The following NUDCD3 variants were observed in gnomAD, a reference collection of about 807,000 sequenced individuals.
NUDCD3 encodes nudC domain-containing protein 3.
In NUDCD3, 13 loss-of-function variants were observed where a neutral mutation model predicts 39.7. The ratio of observed to expected loss-of-function variants is 0.33; its 90% CI spans 0.21 to 0.52. NUDCD3 has a LOEUF of 0.52. NUDCD3 is among the 20% of genes least tolerant of loss of function. The probability of loss-of-function intolerance (pLI) is 0.96; values close to 1 mark genes in which losing one functional copy is unlikely to be tolerated. For synonymous variants in NUDCD3, 175 were observed against 172.4 expected, an observed-to-expected ratio of 1.02 and a Z score of -0.12; for missense variants, 453 against 458.1, an observed-to-expected ratio of 0.99 and a Z score of 0.10.
intron 2 of NUDCD3, among the ~76,000 whole-genome samples, chr7:44,455,974 C>T (rs1309210394): frequency 3.2e-5 from 4 of 126,084 alleles, no homozygotes; most frequent in Non-Finnish European, 6.3e-5. Flanking sequence ...TGCAGTGAGC[C>T]GAGATCCCGC....
intron 2 of NUDCD3, among the ~76,000 whole-genome samples, chr7:44,470,204 T>A (rs191767904): frequency 1.5e-3 from 225 of 152,134 alleles, no homozygotes; most frequent in African/African-American, 4.9e-3. Flanking sequence ...ACATTAACAG[T>A]TATATGAGAG....
chr7:44,386,919 C>A (rs1798412626), intron 5 of NUDCD3, among the ~76,000 whole-genome samples: 1 of 152,156 alleles, frequency 6.6e-6, no homozygotes, highest in Non-Finnish European at 1.5e-5. Context: ...TATATCTGCC[C>A]TCCTCACCTG....
intron 3 of NUDCD3, among the ~76,000 whole-genome samples, chr7:44,409,933 A>G (rs939419109): frequency 6.6e-6 from 1 of 152,198 alleles, no homozygotes; most frequent in African/African-American, 2.4e-5. Context: ...ACCACTTTTT[A>G]GCATTTAGAA....
At chr7:44,424,666 A>G (rs1218910497) in intron 3 of NUDCD3, among the ~76,000 whole-genome samples, 2 of 152,260 alleles carry the variant, frequency 1.3e-5, no homozygotes, top group Non-Finnish European at 1.5e-5. Flanking sequence ...GTGGAGAAAT[A>G]GGAACACTTT....
intron 4 of NUDCD3, 64 bp from the exon 5 acceptor site, chr7:44,392,549 A>G: frequency 3.5e-6 from 5 of 1,448,648 alleles, no homozygotes; most frequent in Non-Finnish European, 3.8e-6. Flanking sequence ...GGCTGGGGAC[A>G]GAGCAGAGCC....
At chr7:44,442,831 G>A (rs2116924388) in intron 2 of NUDCD3, among the ~76,000 whole-genome samples, 1 of 152,034 alleles carries the variant, frequency 6.6e-6, no homozygotes, top group African/African-American at 2.4e-5. Context: ...GAGTAGCTGG[G>A]ACTACAGGCG....
intron 3 of NUDCD3, among the ~76,000 whole-genome samples, chr7:44,406,843 G>A (rs1798830454): frequency 6.6e-6 from 1 of 152,148 alleles, no homozygotes; most frequent in Admixed American, 6.5e-5. Flanking sequence ...AAGGAGGAGG[G>A]GCACAGGAGA....
At chr7:44,395,288 G>A (rs1798602732) in intron 4 of NUDCD3, among the ~76,000 whole-genome samples, 1 of 152,230 alleles carries the variant, frequency 6.6e-6, no homozygotes, top group African/African-American at 2.4e-5. Flanking sequence ...GCTGGGCAGT[G>A]CAGCTCTCCA....
At chr7:44,448,157 TCCTTGG>T (rs1193465502) in intron 2 of NUDCD3, among the ~76,000 whole-genome samples, 1 of 152,176 alleles carries the variant, frequency 6.6e-6, no homozygotes, top group Non-Finnish European at 1.5e-5. Flanking sequence ...GCCTCCACTC[TCCTTGG>T]CCTTAATAGG....
Position 44,486,289 on chromosome 7 carries a change from C to T in NUDCD3, c.193-1005G>A, listed in dbSNP as rs889064532. 5.3e-5 allele frequency among the ~76,000 whole-genome samples: 8 copies of T among 152,162 alleles called. No individual in the cohort carries two copies. In the East Asian group the frequency reaches 7.7e-4, roughly 15 times the overall value. ...AAATAACAATGTTCTGTGCACTGCG[C>T]GGGCAGTCAAAAGGGTGCTAACAGA... On this transcript the variant is annotated intron_variant, in intron 1 of 5. Coordinates refer to ENST00000355451, the MANE Select transcript of NUDCD3 (RefSeq NM_015332.4).
chr7:44,463,819 A>AT (rs1800065079), intron 2 of NUDCD3, among the ~76,000 whole-genome samples: 1 of 152,104 alleles, frequency 6.6e-6, no homozygotes, highest in Non-Finnish European at 1.5e-5. Context: ...TTTTTACTAA[A>AT]TAAAAAAAAA....
rs554585613 is a variant in NUDCD3, at chr7:44,485,409, T to A, written c.193-125A>T. 4.5e-5 allele frequency: 36 copies of A among 792,232 alleles called. No individual in the cohort carries two copies. The East Asian group carries it at 8.8e-4, about 19-fold the overall frequency. 49.1% of individuals were successfully genotyped at this position (792,232 alleles called of 1,614,324 possible). On this transcript the variant is annotated intron_variant, in intron 1 of 5. Coordinates refer to ENST00000355451, the MANE Select transcript of NUDCD3 (RefSeq NM_015332.4). ...GTCAGAAACTGACAAGTTTTCCCAC[T>A]GGCAAAATGGAAATGCACTGCCACT... is the stretch of plus-strand genomic sequence containing the variant.
chr7:44,467,162 T>G (rs1170075170), intron 2 of NUDCD3, among the ~76,000 whole-genome samples: 1 of 152,108 alleles, frequency 6.6e-6, no homozygotes, highest in Non-Finnish European at 1.5e-5. Context: ...ATCTCACCCC[T>G]ACTGAAGAAT....
intron 2 of NUDCD3, among the ~76,000 whole-genome samples, chr7:44,444,010 A>G (rs1799643566): frequency 6.6e-6 from 1 of 152,238 alleles, no homozygotes; most frequent in Admixed American, 6.5e-5. Flanking sequence ...AGGTGTGTTC[A>G]TCTAAGACTA....
intron 4 of NUDCD3, among the ~76,000 whole-genome samples, chr7:44,400,268 G>A (rs1345470868): frequency 6.6e-6 from 1 of 151,970 alleles, no homozygotes; most frequent in Non-Finnish European, 1.5e-5. Flanking sequence ...TGAAGTGTGG[G>A]AGGGAGGGAG....
chr7:44,483,040 A>G (rs1800525775), intron 2 of NUDCD3, among the ~76,000 whole-genome samples: 2 of 152,128 alleles, frequency 1.3e-5, no homozygotes, highest in African/African-American at 4.8e-5. Flanking sequence ...ATTCCAAAGG[A>G]AGGACAAAGA....
chr7:44,402,374 C>T (rs1405311860), intron 4 of NUDCD3, among the ~76,000 whole-genome samples: 2 of 152,108 alleles, frequency 1.3e-5, no homozygotes, highest in East Asian at 3.9e-4. Flanking sequence ...GTGTACAAAA[C>T]GCACACAAAA....
In NUDCD3 at chr7:44,452,699, T is replaced by C. The variant is rs75563177; in HGVS notation, c.510-24996A>G. On this transcript the variant is annotated intron_variant, in intron 2 of 5. Coordinates refer to ENST00000355451, the MANE Select transcript of NUDCD3 (RefSeq NM_015332.4). ...GTGATGAGTGGTTTGATTTAAAATATAATCAAGTCAGAAGCCAGGAAAGGC... is the reference window on the plus strand; with the variant it reads ...GTGATGAGTGGTTTGATTTAAAATACAATCAAGTCAGAAGCCAGGAAAGGC... Among the ~76,000 whole-genome samples the C allele has an allele frequency of 6.5e-3, 991 of 152,292 alleles. 10 individuals carry two copies. The highest frequency in any genetic ancestry group is 0.023 in the African/African-American group (940 of 41,556).
intron 2 of NUDCD3, among the ~76,000 whole-genome samples, chr7:44,475,743 G>A (rs1158034469): frequency 6.6e-6 from 1 of 151,802 alleles, no homozygotes; most frequent in Non-Finnish European, 1.5e-5. Context: ...TTCCAGCCTG[G>A]GCAACAGAGT....
Sources: gnomAD v4.1 joint callset for allele counts (sites outside exome capture counted in the v4.1 genomes callset) on GRCh38, gnomAD v4.1.1 for gene constraint, MANE v1.5 for transcripts, NCBI Gene and HGNC (gene_info 2026-07-23, HGNC 2026-07-21) for gene names.